The following ICA1 variants were observed in gnomAD, a reference collection of about 807,000 sequenced individuals.
ICA1 encodes the protein islet cell autoantigen 1.
A neutral mutation model predicts 71.0 loss-of-function variants in ICA1; 40 were observed. That is an observed-to-expected ratio of 0.56 (90% CI 0.44 to 0.73). The LOEUF (loss-of-function observed/expected upper bound fraction) is 0.73. Among genes scored for constraint, ICA1 ranks in the 30% least tolerant of loss-of-function variants. ICA1 has a pLI of 0.00. For synonymous variants in ICA1, 207 were observed against 209.5 expected, an observed-to-expected ratio of 0.99 and a Z score of 0.10; for missense variants, 578 against 576.5, an observed-to-expected ratio of 1.00 and a Z score of -0.03.
intron 13 of ICA1, among the ~76,000 whole-genome samples, chr7:8,125,843 G>C (rs1175887270): frequency 6.6e-6 from 1 of 152,186 alleles, no homozygotes; most frequent in Non-Finnish European, 1.5e-5. Flanking sequence ...TGCAGTTCCT[G>C]TTTCTCTTTC....
At chr7:8,207,108 A>T (rs1791871753) in intron 6 of ICA1, among the ~76,000 whole-genome samples, 1 of 152,208 alleles carries the variant, frequency 6.6e-6, no homozygotes, top group Non-Finnish European at 1.5e-5. Flanking sequence ...GTCAGCAGTC[A>T]CCAACAGAAC....
intron 13 of ICA1, among the ~76,000 whole-genome samples, chr7:8,121,673 A>T (rs944937004): frequency 2.6e-5 from 4 of 152,242 alleles, no homozygotes; most frequent in African/African-American, 9.6e-5. Context: ...TAGAATAAGT[A>T]TGATCTAGCA....
At chr7:8,242,187 A>T (rs887251182) in intron 1 of ICA1, among the ~76,000 whole-genome samples, 59 of 152,274 alleles carry the variant, frequency 3.9e-4, no homozygotes, top group Non-Finnish European at 4.4e-4. Flanking sequence ...TCAGCAAATG[A>T]AAAAGAACAC....
intron 6 of ICA1, among the ~76,000 whole-genome samples, chr7:8,178,083 A>T (rs759532782): frequency 1.7e-4 from 26 of 152,192 alleles, no homozygotes; most frequent in Non-Finnish European, 3.5e-4. Context: ...TAGCAAAACT[A>T]AACTATCTAC....
At chr7:8,213,950 A>G (rs1413614022) in intron 6 of ICA1, among the ~76,000 whole-genome samples, 2 of 152,242 alleles carry the variant, frequency 1.3e-5, no homozygotes, top group Middle Eastern at 3.2e-3. Flanking sequence ...CTCATTTCCT[A>G]TAATACCTTT....
chr7:8,182,998 T>C (rs548179809), intron 6 of ICA1, among the ~76,000 whole-genome samples: 1 of 152,208 alleles, frequency 6.6e-6, no homozygotes, highest in Non-Finnish European at 1.5e-5. Flanking sequence ...ACTATTTCCA[T>C]AGTTTTCCAC....
At chr7:8,150,968 G>A (rs920612207) in intron 8 of ICA1, among the ~76,000 whole-genome samples, 2 of 152,196 alleles carry the variant, frequency 1.3e-5, no homozygotes, top group Non-Finnish European at 2.9e-5. Context: ...AGACCTTTCT[G>A]AGTTTCTGTG....
chr7:8,206,545 T>C (rs1369681917), intron 6 of ICA1, among the ~76,000 whole-genome samples: 1 of 152,182 alleles, frequency 6.6e-6, no homozygotes, highest in Non-Finnish European at 1.5e-5. Flanking sequence ...ATATTTTTAA[T>C]ACAAATTATT....
intron 3 of ICA1, among the ~76,000 whole-genome samples, chr7:8,232,266 C>T (rs1277950175): frequency 6.6e-6 from 1 of 152,174 alleles, no homozygotes; most frequent in Non-Finnish European, 1.5e-5. Flanking sequence ...TTGCCAGATT[C>T]TAGTGTTCTA....
intron 6 of ICA1, among the ~76,000 whole-genome samples, chr7:8,183,817 A>G (rs1453871958): frequency 1.3e-5 from 2 of 152,158 alleles, no homozygotes; most frequent in African/African-American, 2.4e-5. Context: ...TGAGAGGGTA[A>G]ATGAGATAAA....
intron 6 of ICA1, among the ~76,000 whole-genome samples, chr7:8,201,948 T>C (rs757762419): frequency 3.9e-5 from 6 of 152,232 alleles, no homozygotes; most frequent in Middle Eastern, 3.4e-3. Context: ...TGCAGCAAGA[T>C]AAGCAAGAAA....
chr7:8,132,503 G>GCT lies in ICA1; in HGVS notation c.1061-4363_1061-4362dup, dbSNP rs1342194595. ...CCTGCCCCCACCCTATACTGAAATA[G>GCT]CTCTCTTGAAGGTCAGCAGTGAGAT... On this transcript the variant is annotated intron_variant, in intron 12 of 13. Transcript: ENST00000402384. This position sits in a 1 kb window ranked among gnomAD's most constrained non-coding sequence, Gnocchi z 4.5. Among the ~76,000 whole-genome samples the GCT allele has an allele frequency of 1.3e-5, 2 of 152,106 alleles. No homozygotes were observed. Among genetic ancestry groups the GCT allele is most frequent in the African/African-American group, 4.8e-5 (2 of 41,400 alleles).
intron 4 of ICA1, among the ~76,000 whole-genome samples, chr7:8,224,923 G>C (rs904232519): frequency 6.6e-6 from 1 of 152,320 alleles, no homozygotes; most frequent in Non-Finnish European, 1.5e-5. Flanking sequence ...ACACAATGGT[G>C]AAGTGTCTTT....
chr7:8,128,972 T>G (rs1790393122), intron 12 of ICA1, among the ~76,000 whole-genome samples: 1 of 152,206 alleles, frequency 6.6e-6, no homozygotes, highest in African/African-American at 2.4e-5. Context: ...ACCTCGGTGT[T>G]GTCAGGAAGA....
chr7:8,206,733 G>GAAAAAAAAAAAAAA (rs60704635), intron 6 of ICA1, among the ~76,000 whole-genome samples: 1 of 135,614 alleles, frequency 7.4e-6, no homozygotes, highest in East Asian at 2.4e-4. Flanking sequence ...GGTTTAAAAT[G>GAAAAAAAAAAAAAA]AAAAAAAAAA....
rs537856580 is a variant in ICA1, at chr7:8,123,482, G to A, written c.1330+4391C>T. The stretch of plus-strand genomic sequence containing the variant: ...TCCTGGTGCCTGTCCCCGAGGACTC[G>A]GTGCCCCAGTCTCTCACGGAGAGCC... On this transcript the variant is annotated intron_variant, in intron 13 of 13. Coordinates refer to ENST00000402384, the MANE Select transcript of ICA1 (RefSeq NM_001136020.3). This position sits in a 1 kb window ranked among gnomAD's most constrained non-coding sequence, Gnocchi z 4.1. Among the ~76,000 whole-genome samples, 29 of 152,296 alleles carry A rather than the reference G, an allele frequency of 1.9e-4. 1 individual carries two copies. The South Asian group carries it at 4.8e-3, about 25-fold the overall frequency.
chr7:8,187,429 C>A (rs1385080627), intron 6 of ICA1, among the ~76,000 whole-genome samples: 2 of 152,140 alleles, frequency 1.3e-5, no homozygotes, highest in African/African-American at 2.4e-5. Context: ...GCACTTCCCA[C>A]AAATGGAGCT....
chr7:8,242,881 C>A (rs1200965018), intron 1 of ICA1, among the ~76,000 whole-genome samples: 1 of 152,172 alleles, frequency 6.6e-6, no homozygotes, highest in Non-Finnish European at 1.5e-5. Flanking sequence ...AATTGAATCT[C>A]TGAATAGACC....
At chr7:8,157,327 A>C in intron 7 of ICA1, 113 bp from the exon 8 acceptor site, 1 of 1,037,810 alleles carries the variant, frequency 9.6e-7, no homozygotes. Flanking sequence ...CATGATTCTA[A>C]CTCATTTCCA....
Sources: allele counts gnomAD v4.1 joint callset (sites outside exome capture counted in the v4.1 genomes callset), GRCh38; gene constraint gnomAD v4.1.1; non-coding constraint Gnocchi (gnomAD v3.1); transcripts MANE v1.5; gene names NCBI Gene and HGNC (gene_info 2026-07-23, HGNC 2026-07-21).